Variants in TSGA10 observed in about 807,000 individuals in gnomAD.
TSGA10 encodes testis specific 10.
A neutral mutation model predicts 96.6 loss-of-function variants in TSGA10; 43 were observed. The ratio of observed to expected loss-of-function variants is 0.44; its 90% CI spans 0.35 to 0.57. TSGA10 has a LOEUF of 0.57. Among genes scored for constraint, TSGA10 ranks in the 20% least tolerant of loss-of-function variants. The pLI, the probability that TSGA10 is intolerant of heterozygous loss-of-function variation, is 0.01. For synonymous variants in TSGA10, 229 were observed against 269.9 expected (o/e 0.85, Z 1.48); for missense variants, 703 against 834.4 (o/e 0.84, Z 1.94).
Position 99,068,870 on chromosome 2 carries a change from GAAAAAA to G in TSGA10, c.1218+12_1218+17del, listed in dbSNP as rs573036298. On this transcript the variant is annotated intron_variant, in intron 15 of 20. Transcript: ENST00000393483. The stretch of plus-strand genomic sequence containing the variant: ...GAAAACTAAGTATCATGAGCAAAAA[GAAAAAA>G]AAAATACATACTTCAGACTTTAATA... The G allele has an allele frequency of 8.7e-7, 1 of 1,150,208 alleles. No homozygotes were observed. The highest frequency in any genetic ancestry group is 1.7e-5 in the African/African-American group (1 of 60,322). 71.3% of individuals were successfully genotyped at this position (1,150,208 alleles called of 1,614,324 possible). A position where few individuals can be genotyped will look rare whatever the true frequency, so the allele number is the denominator to read the frequency against.
At chr2:99,059,394 G>A (rs768795373) in intron 16 of TSGA10, among the ~76,000 whole-genome samples, 21 of 151,588 alleles carry the variant, frequency 1.4e-4, no homozygotes, top group Admixed American at 3.9e-4. Context: ...CAGCACTTTC[G>A]GAAGCCGACG....
chr2:99,048,035 A>G lies in TSGA10; in HGVS notation c.1405-12596T>C, dbSNP rs189483920. On this transcript the variant is annotated intron_variant, in intron 16 of 20. Transcript: ENST00000393483. Reference sequence around the variant, plus strand: ...ACAGGGGACATGAAGGACCTCTTCAAGGAGAACTACAAACCACTGCTCAAG... The same window carrying G: ...ACAGGGGACATGAAGGACCTCTTCAGGGAGAACTACAAACCACTGCTCAAG... 4.7e-4 allele frequency among the ~76,000 whole-genome samples: 72 copies of G among 152,314 alleles called. No individual in the cohort carries two copies. The East Asian group carries it at 0.013, about 27-fold the overall frequency.
intron 2 of TSGA10, among the ~76,000 whole-genome samples, chr2:99,119,328 C>G (rs116325865): frequency 5.0e-4 from 76 of 152,166 alleles, no homozygotes; most frequent in African/African-American, 1.8e-3. Context: ...CTCCCATCTG[C>G]TCTCAAAAAT....
Position 99,127,183 on chromosome 2 carries a change from C to G in TSGA10, c.-620-7G>C. ...CATATTCTTTGGTGGTAACCTAGTA[C>G]AAAGAATGGGAAATAATACAGAGGC... On this transcript the variant is annotated splice_region_variant and splice_polypyrimidine_tract_variant and intron_variant, in intron 1 of 20. Transcript: ENST00000393483. 7.8e-7 allele frequency: 1 copy of G among 1,277,358 alleles called. No homozygotes were observed. The highest frequency in any genetic ancestry group is 5.6e-5 in the East Asian group (1 of 17,866). 79.1% of individuals were successfully genotyped at this position (1,277,358 alleles called of 1,614,324 possible). A position where few individuals can be genotyped will look rare whatever the true frequency, so the allele number is the denominator to read the frequency against.
intron 2 of TSGA10, chr2:99,126,601 T>C (rs1157815702): frequency 6.5e-6 from 1 of 153,182 alleles, no homozygotes; most frequent in Non-Finnish European, 1.5e-5. Flanking sequence ...CCTTTATTAA[T>C]AGCTATATTA....
Position 99,000,886 on chromosome 2 carries a change from G to A in TSGA10, c.2073-2665C>T, listed in dbSNP as rs768117087. On this transcript the variant is annotated intron_variant, in intron 20 of 20. Coordinates refer to ENST00000393483, the MANE Select transcript of TSGA10 (RefSeq NM_025244.4). ...CTGCTTACTGCTAGCACAGCAGTCC[G>A]AGATCGAACTGCGAGGTGGCAGCAA... Among the ~76,000 whole-genome samples, 33 of 152,280 alleles carry A rather than the reference G, an allele frequency of 2.2e-4. 1 individual carries two copies. The highest frequency in any genetic ancestry group is 4.6e-4 in the Admixed American group (7 of 15,300).
chr2:99,105,310 C>A (rs776710763), intron 9 of TSGA10, 49 bp downstream of exon 9: 29 of 1,461,326 alleles, frequency 2.0e-5, no homozygotes, highest in Non-Finnish European at 2.4e-5. Context: ...AGGGGAAAGC[C>A]ATTGAGTGTT....
At chr2:99,129,099 CCTCA>C (rs1463879013) in intron 1 of TSGA10, among the ~76,000 whole-genome samples, 1 of 152,098 alleles carries the variant, frequency 6.6e-6, no homozygotes, top group Non-Finnish European at 1.5e-5. Flanking sequence ...TGAGCCTTGC[CCTCA>C]CTATTTTCTC....
intron 1 of TSGA10, among the ~76,000 whole-genome samples, chr2:99,153,169 T>C (rs920954620): frequency 6.6e-6 from 1 of 152,134 alleles, no homozygotes; most frequent in African/African-American, 2.4e-5. Context: ...GTTGAGGTAG[T>C]CAAATGAACA....
intron 4 of TSGA10, among the ~76,000 whole-genome samples, chr2:99,112,328 A>G (rs1458331659): frequency 1.3e-5 from 2 of 152,238 alleles, no homozygotes; most frequent in African/African-American, 4.8e-5. Flanking sequence ...TCAAAAAAAT[A>G]ATACAAGGAG....
chr2:99,056,816 C>CA (rs747141525), intron 16 of TSGA10, among the ~76,000 whole-genome samples: 20,755 of 75,374 alleles, frequency 0.28, 2,190 homozygotes, highest in Admixed American at 0.4. Context: ...CAAAATCCTT[C>CA]AAAAAAAAAA....
chr2:99,109,528 T>C lies in TSGA10; in HGVS notation c.-73-16A>G. Reference sequence around the variant, plus strand: ...GGAATCAAGTCTAGAAGGAGATTTATTTTGTGCTTTTTCAGTATCTAAAAT... The same window carrying C: ...GGAATCAAGTCTAGAAGGAGATTTACTTTGTGCTTTTTCAGTATCTAAAAT... On this transcript the variant is annotated splice_polypyrimidine_tract_variant and intron_variant, in intron 5 of 20. Coordinates refer to ENST00000393483, the MANE Select transcript of TSGA10 (RefSeq NM_025244.4). 6.6e-7 allele frequency: 1 copy of C among 1,514,808 alleles called. No homozygotes were observed. The allele number at this position is 1,514,808 out of a possible 1,614,324, so 93.8% of individuals were successfully genotyped here.
chr2:99,026,413 G>C (rs2080565991), intron 17 of TSGA10, among the ~76,000 whole-genome samples: 1 of 151,784 alleles, frequency 6.6e-6, no homozygotes, highest in Non-Finnish European at 1.5e-5. Flanking sequence ...GTCAGACTTA[G>C]TAGCTCTTTT....
At chr2:99,145,785 T>C (rs1465466079) in intron 1 of TSGA10, among the ~76,000 whole-genome samples, 2 of 152,154 alleles carry the variant, frequency 1.3e-5, no homozygotes, top group Non-Finnish European at 2.9e-5. Flanking sequence ...TTCTCTGATA[T>C]GGGAAGCAAC....
At chr2:99,149,733 C>T (rs910123440) in intron 1 of TSGA10, among the ~76,000 whole-genome samples, 4 of 149,358 alleles carry the variant, frequency 2.7e-5, no homozygotes, top group African/African-American at 7.4e-5. Flanking sequence ...TGAGCCACTG[C>T]GCTCGGCCGA....
intron 11 of TSGA10, among the ~76,000 whole-genome samples, chr2:99,079,746 A>T (rs2087203189): frequency 6.6e-6 from 1 of 152,184 alleles, no homozygotes; most frequent in African/African-American, 2.4e-5. Context: ...TGAAAGTTTG[A>T]GAACCACTGG....
rs776057459 is a variant in TSGA10 at position 99,035,293 on chromosome 2, T to G, written c.1551A>C (p.Lys517Asn). The G allele has an allele frequency of 3.1e-6, 5 of 1,612,864 alleles. No homozygotes were observed. Among genetic ancestry groups the G allele is most frequent in the Middle Eastern group, 1.7e-4 (1 of 6,056 alleles). ...DLSSTRELCI[K>N]LDSSKELLNR... Reference sequence around the variant, plus strand: ...TAAGAAGTTCTTTGCTTGAGTCAAGTTTAATACAGAGTTCCCTAGTAGAAG... The same window carrying G: ...TAAGAAGTTCTTTGCTTGAGTCAAGGTTAATACAGAGTTCCCTAGTAGAAG... The change falls in exon 17 of 21, where the codon AAA becomes AAC. Residue 517 changes from lysine to asparagine, a missense_variant. Physicochemically the swap from Lys to Asn is moderately conservative, Grantham distance 94 (BLOSUM62 0). Coordinates refer to ENST00000393483, the MANE Select transcript of TSGA10 (RefSeq NM_025244.4).
At chr2:99,003,262 T>C (rs2078119629) in intron 20 of TSGA10, among the ~76,000 whole-genome samples, 1 of 152,188 alleles carries the variant, frequency 6.6e-6, no homozygotes, top group African/African-American at 2.4e-5. Flanking sequence ...TAAATATCTA[T>C]GCACCCAATC....
chr2:99,111,700 C>A (rs1177644747), intron 4 of TSGA10, among the ~76,000 whole-genome samples: 1 of 152,074 alleles, frequency 6.6e-6, no homozygotes, highest in Non-Finnish European at 1.5e-5. Context: ...GTTTTTCTCA[C>A]AAGTGAAGTA....
Sources: allele counts gnomAD v4.1 joint callset (sites outside exome capture counted in the v4.1 genomes callset), GRCh38; gene constraint gnomAD v4.1.1; transcripts MANE v1.5; gene names NCBI Gene and HGNC (gene_info 2026-07-23, HGNC 2026-07-21).